The following ADAMTS2 variants were observed in gnomAD, a reference collection of about 807,000 sequenced individuals.
ADAMTS2 encodes the protein A disintegrin and metalloproteinase with thrombospondin motifs 2.
ADAMTS2 carries 50 observed loss-of-function variants against 123.0 expected under a neutral mutation model. That is an observed-to-expected ratio of 0.41 (90% CI 0.32 to 0.51). The LOEUF is 0.51. ADAMTS2 is among the 20% of genes least tolerant of loss of function. The pLI, the probability that ADAMTS2 is intolerant of heterozygous loss-of-function variation, is 0.35. For missense variants in ADAMTS2, 1,494 were observed against 1,705.2 expected, an observed-to-expected ratio of 0.88 and a Z score of 2.18; for synonymous variants, 678 against 695.4, an observed-to-expected ratio of 0.98 and a Z score of 0.39.
intron 3 of ADAMTS2, among the ~76,000 whole-genome samples, chr5:179,223,402 G>A (rs201067836): frequency 1.3e-5 from 1 of 79,050 alleles, no homozygotes; most frequent in South Asian, 4.0e-4. Flanking sequence ...TCACACACAC[G>A]CATGCAGTCA....
intron 3 of ADAMTS2, among the ~76,000 whole-genome samples, chr5:179,246,140 A>G (rs1765797857): frequency 6.6e-6 from 1 of 152,166 alleles, no homozygotes; most frequent in Non-Finnish European, 1.5e-5. Context: ...TTATTCTCCA[A>G]CTCAGCAGTG....
At chr5:179,275,937 T>G (rs939015345) in intron 2 of ADAMTS2, among the ~76,000 whole-genome samples, 5 of 152,164 alleles carry the variant, frequency 3.3e-5, no homozygotes, top group Non-Finnish European at 7.3e-5. Flanking sequence ...CAGGACCCTC[T>G]GGGCTCAGGC....
intron 2 of ADAMTS2, among the ~76,000 whole-genome samples, chr5:179,293,152 T>C (rs1406825891): frequency 1.3e-5 from 2 of 152,322 alleles, no homozygotes; most frequent in Non-Finnish European, 1.5e-5. Context: ...GGGAAGACAG[T>C]CTGACCCCAC....
chr5:179,138,879 C>T (rs1034770883), intron 11 of ADAMTS2, among the ~76,000 whole-genome samples: 8 of 152,202 alleles, frequency 5.3e-5, no homozygotes, highest in Non-Finnish European at 1.2e-4. Flanking sequence ...CCGCAGAGGC[C>T]GGAGCGCAGC....
intron 4 of ADAMTS2, among the ~76,000 whole-genome samples, chr5:179,190,032 G>A (rs1472359515): frequency 1.3e-5 from 2 of 152,160 alleles, no homozygotes; most frequent in Non-Finnish European, 2.9e-5. Flanking sequence ...CATCAGTTAA[G>A]GCAGGAACTA....
In ADAMTS2 at chr5:179,180,416, G is replaced by A. The variant is rs773751388; in HGVS notation, c.975+656C>T. ...GGGGGCAGAAGTCCAAGGGAGGGTC[G>A]TGTTAACCACGTGTTTCTGATGCTT... On this transcript the variant is annotated intron_variant, in intron 5 of 21. Coordinates refer to ENST00000251582, the MANE Select transcript of ADAMTS2 (RefSeq NM_014244.5). The surrounding 1 kb of genome is among the most constrained non-coding windows in gnomAD (Gnocchi z 4.6). Among the ~76,000 whole-genome samples the A allele has an allele frequency of 3.9e-5, 6 of 152,216 alleles. No individual in the cohort carries two copies. Among genetic ancestry groups the A allele is most frequent in the Non-Finnish European group, 5.9e-5 (4 of 68,044 alleles).
chr5:179,165,456 C>T (rs139617650), intron 5 of ADAMTS2, among the ~76,000 whole-genome samples: 369 of 152,274 alleles, frequency 2.4e-3, no homozygotes, highest in African/African-American at 8.4e-3. Context: ...GCTGCCTGCT[C>T]GGCTCTGCAC....
In ADAMTS2 at chr5:179,158,671, G is replaced by A. The variant is rs1411239111; in HGVS notation, c.1132+52C>T. Reference sequence around the variant, plus strand: ...GCTCCCGGGGCCCCTTGCATGGCCAGGGGCTCATTTCCAGCTTCACGCCTC... The same window carrying A: ...GCTCCCGGGGCCCCTTGCATGGCCAAGGGCTCATTTCCAGCTTCACGCCTC... On this transcript the variant is annotated intron_variant, in intron 6 of 21. Transcript: ENST00000251582. This position sits in a 1 kb window ranked among gnomAD's most constrained non-coding sequence, Gnocchi z 5.0. 3.7e-6 allele frequency: 6 copies of A among 1,613,004 alleles called. No homozygotes were observed. The highest frequency in any genetic ancestry group is 1.7e-5 in the Admixed American group (1 of 60,000).
intron 2 of ADAMTS2, among the ~76,000 whole-genome samples, chr5:179,294,675 G>A (rs959445069): frequency 6.6e-6 from 1 of 152,254 alleles, no homozygotes; most frequent in Non-Finnish European, 1.5e-5. Flanking sequence ...CATCCGCAGG[G>A]TGGCCCCTGC....
At position 179,261,639 on chromosome 5, in the gene ADAMTS2, C is replaced by T. The variant is rs561946344; in HGVS notation, c.688+11272G>A. Among the ~76,000 whole-genome samples the T allele has an allele frequency of 2.4e-4, 37 of 152,332 alleles. No homozygotes were observed. In the South Asian group the frequency reaches 5.8e-3, roughly 24 times the overall value. On this transcript the variant is annotated intron_variant, in intron 3 of 21. Transcript: ENST00000251582. ...GGAGCAGGGAGCATTCCAGCTGTCT[C>T]GGGCAGCTTTTGTGTGGGGAACAGC...
intron 2 of ADAMTS2, among the ~76,000 whole-genome samples, chr5:179,328,985 A>G (rs527609036): frequency 1.3e-5 from 2 of 152,276 alleles, no homozygotes; most frequent in East Asian, 3.9e-4. Context: ...AGATGTCAGA[A>G]CATATTGTCA....
chr5:179,154,694 C>T, intron 7 of ADAMTS2, 120 bp downstream of exon 7: 2 of 815,594 alleles, frequency 2.5e-6, no homozygotes, highest in Non-Finnish European at 4.0e-6. Context: ...CAGGAGACCA[C>T]ACCCCAAGTG....
intron 2 of ADAMTS2, among the ~76,000 whole-genome samples, chr5:179,276,907 C>T (rs1218175427): frequency 7.2e-5 from 11 of 152,154 alleles, no homozygotes; most frequent in Admixed American, 7.2e-4. Flanking sequence ...TGAGGCCAGG[C>T]TCAGCCTGGG....
At chr5:179,147,691 C>T (rs1461173500) in intron 10 of ADAMTS2, among the ~76,000 whole-genome samples, 1 of 152,158 alleles carries the variant, frequency 6.6e-6, no homozygotes, top group Non-Finnish European at 1.5e-5. Flanking sequence ...AATCATTTAA[C>T]TCTACTTGTA....
chr5:179,134,828 C>G (rs1398853745), intron 13 of ADAMTS2, among the ~76,000 whole-genome samples: 2 of 114,808 alleles, frequency 1.7e-5, no homozygotes, highest in African/African-American at 7.3e-5. Context: ...CCCCAGCTCC[C>G]GGCTCCAGCC....
rs1324046700 is a variant in ADAMTS2, at chr5:179,260,430, C to T, written c.688+12481G>A. Among the ~76,000 whole-genome samples the T allele has an allele frequency of 6.6e-6, 1 of 152,242 alleles. No individual in the cohort carries two copies. The highest frequency in any genetic ancestry group is 1.9e-4 in the East Asian group (1 of 5,202). ...TGACCTGGAGACACATCCTCACTCA[C>T]CCTCGCTGGGCCCCAGTTTCTGCAG... On this transcript the variant is annotated intron_variant, in intron 3 of 21. Coordinates refer to ENST00000251582, the MANE Select transcript of ADAMTS2 (RefSeq NM_014244.5). The surrounding 1 kb of genome is among the most constrained non-coding windows in gnomAD (Gnocchi z 4.2).
chr5:179,121,822 C>T (rs922829240), intron 20 of ADAMTS2, 72 bp from the exon 21 acceptor site: 11 of 1,054,308 alleles, frequency 1.0e-5, no homozygotes, highest in Admixed American at 7.4e-5. Flanking sequence ...AGAGAGGCTC[C>T]GGGTCTCCCG....
At chr5:179,191,720 C>T (rs1286116449) in intron 4 of ADAMTS2, among the ~76,000 whole-genome samples, 2 of 152,140 alleles carry the variant, frequency 1.3e-5, no homozygotes, top group Non-Finnish European at 2.9e-5. Flanking sequence ...GGGTGAGATG[C>T]AGATAGTCCC....
At chr5:179,219,605 G>A (rs910650651) in intron 3 of ADAMTS2, among the ~76,000 whole-genome samples, 11 of 152,208 alleles carry the variant, frequency 7.2e-5, no homozygotes, top group African/African-American at 2.7e-4. Flanking sequence ...GTGTCCTTGG[G>A]AAATGGTGCC....
Sources: allele counts gnomAD v4.1 joint callset (sites outside exome capture counted in the v4.1 genomes callset), GRCh38; gene constraint gnomAD v4.1.1; non-coding constraint Gnocchi (gnomAD v3.1); transcripts MANE v1.5; gene names NCBI Gene and HGNC (gene_info 2026-07-23, HGNC 2026-07-21).